Variants in ILRUN observed in about 807,000 individuals in gnomAD.
ILRUN encodes protein ILRUN.
In ILRUN, 3 loss-of-function variants were observed where a neutral mutation model predicts 33.8. The ratio of observed to expected loss-of-function variants is 0.09; its 90% confidence interval spans 0.04 to 0.23. The LOEUF (loss-of-function observed/expected upper bound fraction) is 0.23, where lower values mean the gene tolerates loss of function less well. ILRUN is among the 10% of genes least tolerant of loss of function. The probability of loss-of-function intolerance (pLI) is 1.00; values close to 1 mark genes in which losing one functional copy is unlikely to be tolerated. For missense variants in ILRUN, 210 were observed against 375.1 expected, an observed-to-expected ratio of 0.56 and a Z score of 3.64; for synonymous variants, 124 against 138.9, an observed-to-expected ratio of 0.89 and a Z score of 0.75.
At chr6:34,673,573 TAAAC>T (rs1763159450) in intron 1 of ILRUN, among the ~76,000 whole-genome samples, 1 of 152,104 alleles carries the variant, frequency 6.6e-6, no homozygotes, top group East Asian at 1.9e-4. Flanking sequence ...TATAATGAGA[TAAAC>T]AGTAAGATTG....
intron 3 of ILRUN, among the ~76,000 whole-genome samples, chr6:34,640,385 C>A (rs1224776097): frequency 1.3e-5 from 2 of 151,784 alleles, no homozygotes; most frequent in African/African-American, 4.8e-5. Context: ...TAAGAGGAAA[C>A]GTGAACTGAA....
rs141431236 is a variant in ILRUN, at chr6:34,678,391, CAT to C, written c.158+18053_158+18054del. Among the ~76,000 whole-genome samples the C allele has an allele frequency of 3.2e-4, 48 of 152,150 alleles. No homozygotes were observed. In the East Asian group the frequency reaches 7.7e-3, roughly 24 times the overall value. ...TTATTTTAGGTTCAGGGAGTACAAA[CAT>C]GTGCAGGTTTGTTACATGGGTAAAT... On this transcript the variant is annotated intron_variant, in intron 1 of 4. Transcript: ENST00000374023.
chr6:34,597,320 T>C (rs535528635), intron 4 of ILRUN, among the ~76,000 whole-genome samples: 2 of 152,342 alleles, frequency 1.3e-5, no homozygotes, highest in Non-Finnish European at 2.9e-5. Flanking sequence ...AGTGGGATGC[T>C]GTTATACAGA....
intron 1 of ILRUN, among the ~76,000 whole-genome samples, chr6:34,662,124 CAAAAAAAAA>C (rs57423564): frequency 5.0e-5 from 2 of 39,992 alleles, no homozygotes; most frequent in Non-Finnish European, 1.1e-4. Flanking sequence ...GACTCCGTCT[CAAAAAAAAA>C]AAAAAAAAAA....
At chr6:34,694,911 C>A (rs1763725900) in intron 1 of ILRUN, among the ~76,000 whole-genome samples, 1 of 151,902 alleles carries the variant, frequency 6.6e-6, no homozygotes, top group Non-Finnish European at 1.5e-5. Context: ...ATTAGCCGGG[C>A]GAGGTGGTGT....
At chr6:34,657,790 A>T (rs932177087) in intron 1 of ILRUN, among the ~76,000 whole-genome samples, 5 of 152,204 alleles carry the variant, frequency 3.3e-5, no homozygotes, top group African/African-American at 1.2e-4. Context: ...AGTGTCAGAA[A>T]GTAGACATGA....
At chr6:34,628,171 C>T (rs1162157325) in intron 3 of ILRUN, among the ~76,000 whole-genome samples, 3 of 151,546 alleles carry the variant, frequency 2.0e-5, no homozygotes, top group Admixed American at 6.6e-5. Flanking sequence ...CAGGCACACA[C>T]CACTGTGCCC....
intron 1 of ILRUN, among the ~76,000 whole-genome samples, chr6:34,683,014 AG>A (rs976635114): frequency 6.6e-6 from 1 of 152,012 alleles, no homozygotes; most frequent in African/African-American, 2.4e-5. Flanking sequence ...CTGTAGTCCC[AG>A]CTATTTGGGA....
In ILRUN at chr6:34,587,462, T is replaced by G. The variant is rs1309624336; in HGVS notation, c.*3103A>C. The G allele has an allele frequency of 6.5e-6, 1 of 152,698 alleles. No homozygotes were observed. The highest frequency in any genetic ancestry group is 2.4e-5 in the African/African-American group (1 of 41,456). The allele number at this position is 152,698 out of a possible 1,614,324, so 9.5% of individuals were successfully genotyped here. On this transcript the variant is annotated 3_prime_UTR_variant, in exon 5 of 5. Coordinates refer to ENST00000374023, the MANE Select transcript of ILRUN (RefSeq NM_024294.4). ...AGGGCAGCCACTGCTGCTCCTGCAT[T>G]CACCCAAGGAAACAAAGGAAAGGTG...
chr6:34,591,749 A>G (rs1582026398), intron 4 of ILRUN, among the ~76,000 whole-genome samples: 1 of 152,100 alleles, frequency 6.6e-6, no homozygotes, highest in Admixed American at 6.6e-5. Context: ...TCGGCTTCCC[A>G]AAGTGCTGGG....
At chr6:34,680,844 A>G (rs1040049123) in intron 1 of ILRUN, among the ~76,000 whole-genome samples, 2 of 151,960 alleles carry the variant, frequency 1.3e-5, no homozygotes, top group Non-Finnish European at 2.9e-5. Context: ...TTATTTTAAA[A>G]GGCTTTAGAA....
intron 1 of ILRUN, among the ~76,000 whole-genome samples, chr6:34,690,032 A>T (rs2744947): frequency 0.17 from 25,147 of 152,014 alleles, 2,277 homozygotes; most frequent in African/African-American, 0.22. Context: ...ATCTACTGCT[A>T]TACTGAGAAA....
At chr6:34,638,509 T>G (rs1402386284) in intron 3 of ILRUN, among the ~76,000 whole-genome samples, 1 of 148,288 alleles carries the variant, frequency 6.7e-6, no homozygotes, top group Non-Finnish European at 1.5e-5. Flanking sequence ...AGCCTAGGAG[T>G]TCAAGACCAG....
At chr6:34,600,050 AC>A (rs1465017406) in intron 4 of ILRUN, among the ~76,000 whole-genome samples, 7 of 152,212 alleles carry the variant, frequency 4.6e-5, no homozygotes, top group African/African-American at 1.7e-4. Flanking sequence ...TGCCTGGATG[AC>A]GGCATTAACT....
At chr6:34,666,485 C>G (rs1763008236) in intron 1 of ILRUN, among the ~76,000 whole-genome samples, 1 of 152,114 alleles carries the variant, frequency 6.6e-6, no homozygotes, top group East Asian at 1.9e-4. Flanking sequence ...CGCTTGAACC[C>G]GGGAGGCAGA....
chr6:34,669,322 T>C (rs1225702065), intron 1 of ILRUN, among the ~76,000 whole-genome samples: 1 of 136,824 alleles, frequency 7.3e-6, no homozygotes, highest in African/African-American at 2.8e-5. Flanking sequence ...AGAGACAGGG[T>C]CTCACTTTAT....
intron 3 of ILRUN, among the ~76,000 whole-genome samples, chr6:34,643,391 A>T (rs1321083315): frequency 6.6e-6 from 1 of 152,082 alleles, no homozygotes; most frequent in African/African-American, 2.4e-5. Flanking sequence ...CCACTATGAC[A>T]ATGCTCCTGC....
intron 3 of ILRUN, chr6:34,616,461 G>A (rs1417637794): frequency 3.1e-6 from 2 of 639,590 alleles, no homozygotes; most frequent in Admixed American, 2.7e-5. Context: ...AGTGAGAAAG[G>A]CTTGAAAGTG....
intron 2 of ILRUN, among the ~76,000 whole-genome samples, chr6:34,648,585 G>C (rs187916699): frequency 4.1e-4 from 63 of 152,264 alleles, no homozygotes; most frequent in African/African-American, 1.3e-3. Context: ...ATGATATACT[G>C]ACAATACACG....
Sources: gnomAD v4.1 joint callset for allele counts (sites outside exome capture counted in the v4.1 genomes callset) on GRCh38, gnomAD v4.1.1 for gene constraint, MANE v1.5 for transcripts, NCBI Gene and HGNC (gene_info 2026-07-23, HGNC 2026-07-21) for gene names.